The following SEMA3F variants were observed in gnomAD, a reference collection of about 807,000 sequenced individuals.
SEMA3F encodes semaphorin 3F.
In SEMA3F, 30 loss-of-function variants were observed where a neutral mutation model predicts 98.5. The ratio of observed to expected loss-of-function variants is 0.30; its 90% confidence interval spans 0.23 to 0.41. The LOEUF (loss-of-function observed/expected upper bound fraction) is 0.41, where lower values mean the gene tolerates loss of function less well. Among genes scored for constraint, SEMA3F ranks in the 10% least tolerant of loss-of-function variants. The probability of loss-of-function intolerance (pLI) is 1.00; values close to 1 mark genes in which losing one functional copy is unlikely to be tolerated. For synonymous variants in SEMA3F, 380 were observed against 444.8 expected, an observed-to-expected ratio of 0.85 and a Z score of 1.83; for missense variants, 866 against 1,119.3, an observed-to-expected ratio of 0.77 and a Z score of 3.23.
intron 7 of SEMA3F, among the ~76,000 whole-genome samples, chr3:50,180,942 C>A (rs1012668129): frequency 1.3e-5 from 2 of 152,040 alleles, no homozygotes; most frequent in African/African-American, 4.8e-5. Flanking sequence ...TGGTGGGCAC[C>A]TGTAGTCCCA....
At chr3:50,163,513 G>C (rs943063213) in intron 2 of SEMA3F, among the ~76,000 whole-genome samples, 1 of 152,254 alleles carries the variant, frequency 6.6e-6, no homozygotes, top group Non-Finnish European at 1.5e-5. Context: ...GCCAGGTTTG[G>C]AGATGATGAG....
chr3:50,168,761 G>A lies in SEMA3F; in HGVS notation c.113-5032G>A, dbSNP rs960495745. ...CTTCCTGGATCCTGTGGGGGTATCC[G>A]GTAGGGACCACCTGGGCCCTGCCAT... On this transcript the variant is annotated intron_variant, in intron 2 of 18. Transcript: ENST00000002829. Among the ~76,000 whole-genome samples, 6 of 152,108 alleles carry A rather than the reference G, an allele frequency of 3.9e-5. 1 individual carries two copies. Among genetic ancestry groups the A allele is most frequent in the Admixed American group, 1.3e-4 (2 of 15,286 alleles).
intron 2 of SEMA3F, among the ~76,000 whole-genome samples, chr3:50,160,459 C>T (rs908049905): frequency 2.0e-5 from 3 of 152,198 alleles, no homozygotes; most frequent in African/African-American, 7.2e-5. Flanking sequence ...ACCCACTGGA[C>T]AGGTGCACGC....
chr3:50,183,658 C>A lies in SEMA3F; in HGVS notation c.1233+94C>A, dbSNP rs996861334. 2.9e-6 allele frequency: 4 copies of A among 1,377,168 alleles called. No individual in the cohort carries two copies. In the South Asian group the frequency reaches 5.2e-5, roughly 18 times the overall value. 85.3% of individuals were successfully genotyped at this position (1,377,168 alleles called of 1,614,324 possible). ...GCAACATGGGCCCCACCATCATGGC[C>A]CTCCCAGCCAGCGGAGGCGGTGAGC... On this transcript the variant is annotated intron_variant, in intron 12 of 18. Coordinates refer to ENST00000002829, the MANE Select transcript of SEMA3F (RefSeq NM_004186.5).
chr3:50,168,952 C>A (rs999523943), intron 2 of SEMA3F, among the ~76,000 whole-genome samples: 1 of 152,310 alleles, frequency 6.6e-6, no homozygotes, highest in South Asian at 2.1e-4. Context: ...TAGGGCTGCA[C>A]TGGCTCACTA....
In SEMA3F at chr3:50,182,510, T is replaced by C. The variant is rs1286503878; in HGVS notation, c.763+107T>C. On this transcript the variant is annotated intron_variant, in intron 8 of 18. Coordinates refer to ENST00000002829, the MANE Select transcript of SEMA3F (RefSeq NM_004186.5). The surrounding 1 kb of genome is among the most constrained non-coding windows in gnomAD (Gnocchi z 4.5). ...AGTGGGGACATGTTTAGCCTATGAC[T>C]ACCTGGGGCAGGGGTAGTTTCTTAT... 6.0e-5 allele frequency: 95 copies of C among 1,577,600 alleles called. No homozygotes were observed. The South Asian group carries it at 1.1e-3, about 18-fold the overall frequency.
rs751275116 is a variant in SEMA3F, at chr3:50,188,028, C to T, written c.2271C>T (p.Pro757=). The T allele has an allele frequency of 6.9e-6, 11 of 1,598,854 alleles. No homozygotes were observed. Among genetic ancestry groups the T allele is most frequent in the Middle Eastern group, 3.3e-4 (2 of 6,044 alleles). Residue 757 remains proline (P), a synonymous_variant, in exon 19 of 19, where the codon CCC becomes CCT. Transcript: ENST00000002829. This position sits in a 1 kb window ranked among gnomAD's most constrained non-coding sequence, Gnocchi z 4.5. ...ACTGGCGCCATGTGCCCCCCAGCCC[C>T]AGGGAGGCTCCAGGGGCACCCCGGT... is the stretch of plus-strand genomic sequence containing the variant. ...QGYWRHVPPS[P]REAPGAPRSP...
intron 2 of SEMA3F, among the ~76,000 whole-genome samples, chr3:50,160,912 G>A (rs1407718095): frequency 1.3e-5 from 2 of 152,192 alleles, no homozygotes; most frequent in Non-Finnish European, 2.9e-5. Context: ...GCTGTGCCTG[G>A]AAGGAGTCCC....
At position 50,176,898 on chromosome 3, in the gene SEMA3F, T is replaced by C; in HGVS notation, c.643+37T>C. ...CCAACCCCGCTCTACAGTCTCAATG[T>C]GTGGCCTCTGCCCCTGGAGATGGGG... On this transcript the variant is annotated intron_variant, in intron 7 of 18. Coordinates refer to ENST00000002829, the MANE Select transcript of SEMA3F (RefSeq NM_004186.5). The C allele has an allele frequency of 2.6e-6, 4 of 1,512,630 alleles. No individual in the cohort carries two copies. The South Asian group carries it at 4.5e-5, about 17-fold the overall frequency. The allele number at this position is 1,512,630 out of a possible 1,614,324, so 93.7% of individuals were successfully genotyped here. A position where few individuals can be genotyped will look rare whatever the true frequency, so the allele number is the denominator to read the frequency against.
chr3:50,155,636 G>A lies in SEMA3F; in HGVS notation c.-49+72G>A, dbSNP rs1409072377. ...CCCCGCGACCCCTCTGGGACCCGCG[G>A]CACTGCAACTCCGCAGAAGTGTCCG... On this transcript the variant is annotated intron_variant, in intron 1 of 18. Transcript: ENST00000002829. This position sits in a 1 kb window ranked among gnomAD's most constrained non-coding sequence, Gnocchi z 4.9. 4 of 216,080 alleles carry A rather than the reference G, an allele frequency of 1.9e-5. No individual in the cohort carries two copies. Among genetic ancestry groups the A allele is most frequent in the Non-Finnish European group, 3.6e-5 (4 of 110,236 alleles). 13.4% of individuals were successfully genotyped at this position (216,080 alleles called of 1,614,324 possible).
intron 2 of SEMA3F, chr3:50,173,547 C>G (rs1486756362): frequency 2.0e-6 from 1 of 507,426 alleles, no homozygotes; most frequent in Non-Finnish European, 3.5e-6. Context: ...GAGGCTGAGA[C>G]AGGAGAATCG....
chr3:50,167,121 T>G (rs1239665025), intron 2 of SEMA3F, among the ~76,000 whole-genome samples: 2 of 152,172 alleles, frequency 1.3e-5, no homozygotes, highest in Non-Finnish European at 2.9e-5. Flanking sequence ...TTGACCACAG[T>G]GTCCTTCCAA....
intron 2 of SEMA3F, among the ~76,000 whole-genome samples, chr3:50,160,190 G>C (rs1462057871): frequency 6.6e-6 from 1 of 152,168 alleles, no homozygotes; most frequent in Non-Finnish European, 1.5e-5. Flanking sequence ...AGCAGGACCT[G>C]CTCTCTTGGG....
chr3:50,184,782 A>G lies in SEMA3F; in HGVS notation c.1424A>G (p.Asp475Gly). ...GCCGTGGACCAGGTGGATGCAGCCGACGGGCGCTATGAGGTGCTTTTCCTG... is the reference window on the plus strand; with the variant it reads ...GCCGTGGACCAGGTGGATGCAGCCGGCGGGCGCTATGAGGTGCTTTTCCTG... ...TIAVDQVDAA[D>G]GRYEVLFLGT... Residue 475 changes from aspartate (D) to glycine (G), a missense_variant, in exon 13 of 19, where the codon GAC becomes GGC. Asp to Gly is a moderately conservative substitution (Grantham distance 94). Coordinates refer to ENST00000002829, the MANE Select transcript of SEMA3F (RefSeq NM_004186.5). 6.2e-7 allele frequency: 1 copy of G among 1,613,978 alleles called. No homozygotes were observed. Among genetic ancestry groups the G allele is most frequent in the Non-Finnish European group, 8.5e-7 (1 of 1,179,962 alleles).
At position 50,183,263 on chromosome 3, in the gene SEMA3F, T is replaced by A; in HGVS notation, c.1088+8T>A. On this transcript the variant is annotated splice_region_variant and intron_variant, in intron 11 of 18. Transcript: ENST00000002829. ...TGTCTTTACCTCCTCTGGGTGAGGC[T>A]GGGGTCAGGGCCAGCAGTGGCAGGG... 1 of 1,613,874 alleles carries A rather than the reference T, an allele frequency of 6.2e-7. No individual in the cohort carries two copies. The highest frequency in any genetic ancestry group is 1.1e-5 in the South Asian group (1 of 91,082).
intron 2 of SEMA3F, among the ~76,000 whole-genome samples, chr3:50,170,593 C>T (rs1053124854): frequency 6.6e-6 from 1 of 152,124 alleles, no homozygotes; most frequent in East Asian, 1.9e-4. Context: ...GAGATCAGAA[C>T]GGGGTCACTG....
rs765631513 is a variant in SEMA3F, at chr3:50,176,773, C to T, written c.555C>T (p.Tyr185=). 13 of 1,611,194 alleles carry T rather than the reference C, an allele frequency of 8.1e-6. No homozygotes were observed. The East Asian group carries it at 2.5e-4, about 30-fold the overall frequency. ...AGCCCCGCTCTGCCTTACAGGATTA[C>T]ATCTTCTACCTGGAGCCTGAGCGAC... ...RPMPTAPRQD[Y]IFYLEPERLE... is the part of the protein sequence containing the mutation. The change falls in exon 7 of 19, where the codon TAC becomes TAT. Residue 185 remains tyrosine, a synonymous_variant. Transcript: ENST00000002829.
At chr3:50,186,396 T>G (rs1182939994) in intron 17 of SEMA3F, 48 bp downstream of exon 17, 1 of 1,577,634 alleles carries the variant, frequency 6.3e-7, no homozygotes, top group African/African-American at 1.3e-5. Flanking sequence ...ACTGCAGAAG[T>G]CCACGCAGCC....
rs73835214 is a variant in SEMA3F, at chr3:50,184,204, T to C, written c.1234-388T>C. The C allele has an allele frequency of 2.0e-3, 475 of 240,750 alleles. 1 individual carries two copies. The highest frequency in any genetic ancestry group is 0.01 in the African/African-American group (448 of 43,574). The allele number at this position is 240,750 out of a possible 1,614,324, so 14.9% of individuals were successfully genotyped here. A position where few individuals can be genotyped will look rare whatever the true frequency, so the allele number is the denominator to read the frequency against. ...GGGACAGCTTCAGGAAGGAGGAGAGTGAGCCTGGTGTGTGACAAGGACGTC... is the reference window on the plus strand; with the variant it reads ...GGGACAGCTTCAGGAAGGAGGAGAGCGAGCCTGGTGTGTGACAAGGACGTC... On this transcript the variant is annotated intron_variant, in intron 12 of 18. Transcript: ENST00000002829.
Sources: allele counts gnomAD v4.1 joint callset (sites outside exome capture counted in the v4.1 genomes callset), GRCh38; gene constraint gnomAD v4.1.1; non-coding constraint Gnocchi (gnomAD v3.1); transcripts MANE v1.5; gene names NCBI Gene and HGNC (gene_info 2026-07-23, HGNC 2026-07-21).